SYT2: variants seen among roughly 807,000 people sequenced by gnomAD.
SYT2 encodes the protein synaptotagmin-2.
SYT2 carries 15 observed loss-of-function variants against 39.9 expected under a neutral mutation model. The observed-to-expected ratio is 0.38, with a 90% CI of 0.25 to 0.58. SYT2 has a LOEUF of 0.58. Among genes scored for constraint, SYT2 ranks in the 20% least tolerant of loss-of-function variants. The pLI, the probability that SYT2 is intolerant of heterozygous loss-of-function variation, is 0.70. For synonymous variants in SYT2, 181 were observed against 204.5 expected (o/e 0.89, Z 0.98); for missense variants, 389 against 530.3 (o/e 0.73, Z 2.62).
intron 1 of SYT2, among the ~76,000 whole-genome samples, chr1:202,709,711 C>A (rs1220573475): frequency 6.6e-6 from 1 of 152,170 alleles, no homozygotes; most frequent in Non-Finnish European, 1.5e-5. Context: ...TCCAGATGGC[C>A]CCTGCAGTCT....
Position 202,628,057 on chromosome 1 carries a change from G to A in SYT2, c.-17-22268C>T, listed in dbSNP as rs1394847156. On this transcript the variant is annotated intron_variant, in intron 1 of 8. Transcript: ENST00000367268. The surrounding 1 kb of genome is among the most constrained non-coding windows in gnomAD (Gnocchi z 4.2). ...AGCACACTGGGAAGGTGGGTCTAAC[G>A]GGAAGATCACAAAGGCACCGGGCTC... 6.6e-6 allele frequency among the ~76,000 whole-genome samples: 1 copy of A among 152,200 alleles called. No individual in the cohort carries two copies. The highest frequency in any genetic ancestry group is 2.4e-5 in the African/African-American group (1 of 41,444).
At chr1:202,704,684 A>G (rs943784199) in intron 1 of SYT2, among the ~76,000 whole-genome samples, 1 of 81,640 alleles carries the variant, frequency 1.2e-5, no homozygotes, top group Admixed American at 1.2e-4. Flanking sequence ...GCACACACAC[A>G]CGGCTGCTGG....
chr1:202,656,263 G>A (rs1034330966), intron 1 of SYT2, among the ~76,000 whole-genome samples: 1 of 152,200 alleles, frequency 6.6e-6, no homozygotes, highest in Non-Finnish European at 1.5e-5. Flanking sequence ...TGAACTCTGG[G>A]GTCCCCTGCT....
At chr1:202,602,150 TC>T in intron 5 of SYT2, 93 bp from the exon 6 acceptor site, 1 of 1,295,370 alleles carries the variant, frequency 7.7e-7, no homozygotes, top group African/African-American at 1.5e-5. Flanking sequence ...GCCCACAGGG[TC>T]CAGGTTAGTG....
At position 202,644,922 on chromosome 1, in the gene SYT2, C is replaced by A. The variant is rs377111138; in HGVS notation, c.-17-39133G>T. Among the ~76,000 whole-genome samples, 29 of 152,326 alleles carry A rather than the reference C, an allele frequency of 1.9e-4. No individual in the cohort carries two copies. The East Asian group carries it at 5.2e-3, about 27-fold the overall frequency. On this transcript the variant is annotated intron_variant, in intron 1 of 8. Transcript: ENST00000367268. ...GCAGCACCCGCTGCTCCTGGCCGGG[C>A]TGGAGCCTCTCTTCAGAAGGGCAGC...
At position 202,601,690 on chromosome 1, in the gene SYT2, A is replaced by G. The variant is rs1004700258; in HGVS notation, c.801+200T>C. ...ATGCAGGTAATGAATCCTCATCTGT[A>G]AAAAAAGACTAAAGGAGGGAACCCG... On this transcript the variant is annotated intron_variant, in intron 6 of 8. Transcript: ENST00000367268. The surrounding 1 kb of genome is among the most constrained non-coding windows in gnomAD (Gnocchi z 4.0). Among the ~76,000 whole-genome samples the G allele has an allele frequency of 2.0e-5, 3 of 152,150 alleles. No individual in the cohort carries two copies. The highest frequency in any genetic ancestry group is 1.3e-4 in the Admixed American group (2 of 15,280).
intron 1 of SYT2, among the ~76,000 whole-genome samples, chr1:202,707,508 A>G (rs1189707867): frequency 6.6e-6 from 1 of 152,178 alleles, no homozygotes; most frequent in East Asian, 1.9e-4. Flanking sequence ...GGAAGTCCAC[A>G]GAGCAAATCC....
chr1:202,678,094 C>T (rs573026435), intron 1 of SYT2, among the ~76,000 whole-genome samples: 12 of 151,944 alleles, frequency 7.9e-5, no homozygotes, highest in South Asian at 2.1e-4. Context: ...GCCAATGTGG[C>T]GAAACCTTGT....
rs1319826979 is a variant in SYT2 at position 202,599,822 on chromosome 1, G to C, written c.920-471C>G. On this transcript the variant is annotated intron_variant, in intron 7 of 8. Coordinates refer to ENST00000367268, the MANE Select transcript of SYT2 (RefSeq NM_177402.5). The surrounding 1 kb of genome is among the most constrained non-coding windows in gnomAD (Gnocchi z 4.4). The stretch of plus-strand genomic sequence containing the variant: ...GGCTGGCACTGAAACGCGCTGGTTG[G>C]AGCCCATGCCCAGGGCTGATTCTCT... Among the ~76,000 whole-genome samples, 4 of 152,216 alleles carry C rather than the reference G, an allele frequency of 2.6e-5. No homozygotes were observed. The highest frequency in any genetic ancestry group is 4.8e-5 in the African/African-American group (2 of 41,448).
At chr1:202,671,222 C>T (rs1357620680) in intron 1 of SYT2, among the ~76,000 whole-genome samples, 3 of 152,198 alleles carry the variant, frequency 2.0e-5, no homozygotes, top group Non-Finnish European at 4.4e-5. Context: ...CTGGGGAAAG[C>T]ATGAGAACCA....
chr1:202,644,494 G>C (rs1257830664), intron 1 of SYT2, among the ~76,000 whole-genome samples: 1 of 152,112 alleles, frequency 6.6e-6, no homozygotes, highest in Non-Finnish European at 1.5e-5. Flanking sequence ...CGGGGCCACA[G>C]CTCGCCAGGT....
At chr1:202,658,457 C>G (rs1692317921) in intron 1 of SYT2, among the ~76,000 whole-genome samples, 1 of 152,038 alleles carries the variant, frequency 6.6e-6, no homozygotes, top group African/African-American at 2.4e-5. Flanking sequence ...TGGATCCTGC[C>G]CTGGTCCAGT....
intron 1 of SYT2, among the ~76,000 whole-genome samples, chr1:202,650,774 C>A (rs912062599): frequency 1.3e-5 from 2 of 152,086 alleles, no homozygotes; most frequent in Admixed American, 6.5e-5. Flanking sequence ...CACAAAAGAC[C>A]GTGGAGCCGG....
At chr1:202,680,412 C>T (rs1026806779) in intron 1 of SYT2, among the ~76,000 whole-genome samples, 3 of 152,116 alleles carry the variant, frequency 2.0e-5, no homozygotes, top group Non-Finnish European at 2.9e-5. Flanking sequence ...TATGGAGGCT[C>T]ATGCCTGTAA....
chr1:202,687,626 A>G (rs1268691773), intron 1 of SYT2, among the ~76,000 whole-genome samples: 2 of 143,312 alleles, frequency 1.4e-5, no homozygotes, highest in African/African-American at 5.1e-5. Flanking sequence ...AGGTTGCGCC[A>G]TTGTACTCCA....
intron 1 of SYT2, among the ~76,000 whole-genome samples, chr1:202,619,208 C>T (rs1242626091): frequency 6.6e-6 from 1 of 152,180 alleles, no homozygotes; most frequent in East Asian, 1.9e-4. Flanking sequence ...GAGCTGCAGT[C>T]CCGGGGAGAG....
intron 1 of SYT2, among the ~76,000 whole-genome samples, chr1:202,684,113 T>C (rs1250148503): frequency 1.3e-5 from 2 of 152,224 alleles, no homozygotes; most frequent in African/African-American, 4.8e-5. Flanking sequence ...AATATACATA[T>C]ATATAGTGAA....
intron 1 of SYT2, among the ~76,000 whole-genome samples, chr1:202,666,076 C>A (rs1029678903): frequency 3.4e-5 from 5 of 149,222 alleles, no homozygotes; most frequent in Non-Finnish European, 7.4e-5. Flanking sequence ...TGGCGTGAAC[C>A]AGGGAGGCGG....
chr1:202,670,874 A>G (rs1184057281), intron 1 of SYT2, among the ~76,000 whole-genome samples: 2 of 152,362 alleles, frequency 1.3e-5, no homozygotes, highest in East Asian at 3.9e-4. Context: ...GGTATCATTG[A>G]TAAAACAAGG....
Sources: gnomAD v4.1 joint callset for allele counts (sites outside exome capture counted in the v4.1 genomes callset) on GRCh38, gnomAD v4.1.1 for gene constraint, Gnocchi (gnomAD v3.1) non-coding constraint, MANE v1.5 for transcripts, NCBI Gene and HGNC (gene_info 2026-07-23, HGNC 2026-07-21) for gene names.